KLHL6: variants seen among roughly 807,000 people sequenced by gnomAD.
KLHL6 encodes kelch-like protein 6.
A neutral mutation model predicts 58.6 loss-of-function variants in KLHL6; 41 were observed. That is an observed-to-expected ratio of 0.70 (90% CI 0.55 to 0.91). The LOEUF (loss-of-function observed/expected upper bound fraction) is 0.91. Among genes scored for constraint, KLHL6 ranks in the 40% least tolerant of loss-of-function variants. The probability of loss-of-function intolerance (pLI) is 0.00; values close to 1 mark genes in which losing one functional copy is unlikely to be tolerated. For missense variants in KLHL6, 714 were observed against 805.6 expected (o/e 0.89, Z 1.38); for synonymous variants, 338 against 322.7 (o/e 1.05, Z -0.51).
Position 183,545,264 on chromosome 3 carries a change from C to T in KLHL6, c.293+10097G>A, listed in dbSNP as rs556644339. Among the ~76,000 whole-genome samples the T allele has an allele frequency of 4.6e-5, 7 of 152,320 alleles. No homozygotes were observed. In the South Asian group the frequency reaches 1.2e-3, roughly 27 times the overall value. ...TCACCAATAAAGGAATATGAGGCAG[C>T]GCAAATGGATGTTGCGCTCATGGCA... On this transcript the variant is annotated intron_variant, in intron 1 of 6. Coordinates refer to ENST00000341319, the MANE Select transcript of KLHL6 (RefSeq NM_130446.4).
chr3:183,552,717 CAAAAAAAAAAAA>C (rs1169148282), intron 1 of KLHL6, among the ~76,000 whole-genome samples: 16 of 47,608 alleles, frequency 3.4e-4, no homozygotes, highest in Non-Finnish European at 4.9e-4. Flanking sequence ...GACTCCGTCT[CAAAAAAAAAAAA>C]AAAAAAAAAA....
intron 2 of KLHL6, among the ~76,000 whole-genome samples, chr3:183,509,635 T>C (rs1197851041): frequency 6.6e-6 from 1 of 152,158 alleles, no homozygotes; most frequent in Non-Finnish European, 1.5e-5. Context: ...TGGAAAGCCC[T>C]TACCTGAGAC....
intron 2 of KLHL6, 134 bp from the exon 3 acceptor site, chr3:183,508,642 A>G (rs1007970284): frequency 3.0e-6 from 2 of 676,876 alleles, no homozygotes; most frequent in African/African-American, 3.6e-5. Flanking sequence ...AGCTAAATAC[A>G]TATAATTCAT....
intron 1 of KLHL6, among the ~76,000 whole-genome samples, chr3:183,541,882 G>A (rs1015187895): frequency 6.6e-6 from 1 of 152,172 alleles, no homozygotes; most frequent in Non-Finnish European, 1.5e-5. Context: ...AGCCTGGGCA[G>A]GAGAAGGGTT....
chr3:183,491,822 T>C lies in KLHL6; in HGVS notation c.*105A>G, dbSNP rs144054879. 1.1e-4 allele frequency: 108 copies of C among 1,028,130 alleles called. No individual in the cohort carries two copies. The African/African-American group carries it at 1.6e-3, about 16-fold the overall frequency. The allele number at this position is 1,028,130 out of a possible 1,614,324, so 63.7% of individuals were successfully genotyped here. A position where few individuals can be genotyped will look rare whatever the true frequency, so the allele number is the denominator to read the frequency against. On this transcript the variant is annotated 3_prime_UTR_variant, in exon 7 of 7. Transcript: ENST00000341319. ...TGAGTCAAGGGGATCCCCTGATGTA[T>C]GGCCTCAAACTCGAGCCTGCTGCCT...
At chr3:183,546,107 T>C (rs1712709082) in intron 1 of KLHL6, among the ~76,000 whole-genome samples, 3 of 152,232 alleles carry the variant, frequency 2.0e-5, no homozygotes. Context: ...TGATGGATGA[T>C]GCCTTCATGC....
intron 1 of KLHL6, among the ~76,000 whole-genome samples, chr3:183,545,512 T>C (rs543311672): frequency 7.2e-5 from 11 of 152,306 alleles, no homozygotes; most frequent in East Asian, 3.9e-4. Flanking sequence ...TTATCTAAAA[T>C]TGAAGAATAG....
chr3:183,510,906 T>C (rs1379591756), intron 2 of KLHL6, among the ~76,000 whole-genome samples: 1 of 151,664 alleles, frequency 6.6e-6, no homozygotes, highest in Admixed American at 6.6e-5. Flanking sequence ...AATAAAGCAT[T>C]TCTCCGAGGG....
intron 1 of KLHL6, among the ~76,000 whole-genome samples, chr3:183,547,865 G>C (rs1447477061): frequency 6.6e-6 from 1 of 152,170 alleles, no homozygotes; most frequent in Non-Finnish European, 1.5e-5. Context: ...TCTTCACAGA[G>C]AACAGAAATG....
In KLHL6 at chr3:183,540,734, TG is replaced by T. The variant is rs1712525686; in HGVS notation, c.294-12725del. Among the ~76,000 whole-genome samples, 3 of 152,280 alleles carry T rather than the reference TG, an allele frequency of 2.0e-5. No homozygotes were observed. In the South Asian group the frequency reaches 6.2e-4, roughly 32 times the overall value. ...GATGATTACCCTAAGCTCTCCTACC[TG>T]AGAGTTTAACTTACAAAACATGGTG... is the stretch of plus-strand genomic sequence containing the variant. On this transcript the variant is annotated intron_variant, in intron 1 of 6. Coordinates refer to ENST00000341319, the MANE Select transcript of KLHL6 (RefSeq NM_130446.4).
At chr3:183,547,375 G>C (rs902058352) in intron 1 of KLHL6, among the ~76,000 whole-genome samples, 1 of 152,270 alleles carries the variant, frequency 6.6e-6, no homozygotes, top group Admixed American at 6.5e-5. Context: ...CCAGATTTTT[G>C]GGTAAGGGAT....
intron 1 of KLHL6, among the ~76,000 whole-genome samples, chr3:183,547,351 A>G (rs1184278867): frequency 6.6e-6 from 1 of 152,248 alleles, no homozygotes; most frequent in African/African-American, 2.4e-5. Flanking sequence ...TGAATGGCAA[A>G]GCACATCTGG....
intron 1 of KLHL6, among the ~76,000 whole-genome samples, chr3:183,547,879 C>CT (rs1218775115): frequency 6.6e-6 from 1 of 152,152 alleles, no homozygotes; most frequent in African/African-American, 2.4e-5. Context: ...AGAAATGTGG[C>CT]TAACAGGTCA....
chr3:183,518,061 C>T (rs1296080233), intron 2 of KLHL6, among the ~76,000 whole-genome samples: 1 of 152,166 alleles, frequency 6.6e-6, no homozygotes, highest in Non-Finnish European at 1.5e-5. Flanking sequence ...CTGCCACCAT[C>T]CTATGAGGTC....
intron 2 of KLHL6, among the ~76,000 whole-genome samples, chr3:183,516,503 G>A (rs1215912382): frequency 6.6e-6 from 1 of 152,224 alleles, no homozygotes; most frequent in Non-Finnish European, 1.5e-5. Flanking sequence ...ACTCTCAAAT[G>A]AGGAGACTAA....
At chr3:183,547,345 T>C (rs935322567) in intron 1 of KLHL6, among the ~76,000 whole-genome samples, 27 of 152,262 alleles carry the variant, frequency 1.8e-4, no homozygotes, top group Non-Finnish European at 1.5e-5. Context: ...GAATTCTGAA[T>C]GGCAAAGCAC....
At position 183,489,178 on chromosome 3, in the gene KLHL6, T is replaced by C. The variant is rs1397270658; in HGVS notation, c.*2749A>G. ...CTCCCTGACTAGGGGCGCTGTCTTTTTGAAGGGAGGCTCCCTGTGTATGCC... is the reference window on the plus strand; with the variant it reads ...CTCCCTGACTAGGGGCGCTGTCTTTCTGAAGGGAGGCTCCCTGTGTATGCC... On this transcript the variant is annotated 3_prime_UTR_variant, in exon 7 of 7. Coordinates refer to ENST00000341319, the MANE Select transcript of KLHL6 (RefSeq NM_130446.4). The C allele has an allele frequency of 6.6e-6, 1 of 152,188 alleles. No individual in the cohort carries two copies. The highest frequency in any genetic ancestry group is 1.5e-5 in the Non-Finnish European group (1 of 68,034). 9.4% of individuals were successfully genotyped at this position (152,188 alleles called of 1,614,324 possible).
At chr3:183,545,936 C>A (rs575837696) in intron 1 of KLHL6, among the ~76,000 whole-genome samples, 5 of 152,358 alleles carry the variant, frequency 3.3e-5, no homozygotes, top group African/African-American at 1.2e-4. Context: ...GCTACTTAAT[C>A]AGTGACTGGA....
At chr3:183,522,718 C>A (rs1267316776) in intron 2 of KLHL6, 1 of 152,198 alleles carries the variant, frequency 6.6e-6, no homozygotes, top group Non-Finnish European at 1.5e-5. Flanking sequence ...TTGGCCCACA[C>A]CATTTCCAAG....
Sources: gnomAD v4.1 joint callset for allele counts (sites outside exome capture counted in the v4.1 genomes callset) on GRCh38, gnomAD v4.1.1 for gene constraint, MANE v1.5 for transcripts, NCBI Gene and HGNC (gene_info 2026-07-23, HGNC 2026-07-21) for gene names.